KDM3B: variants seen among roughly 807,000 people sequenced by gnomAD.
KDM3B encodes lysine demethylase 3B, also known as lysine-specific demethylase 3B.
A neutral mutation model predicts 170.0 loss-of-function variants in KDM3B; 10 were observed. The observed-to-expected ratio is 0.06, with a 90% CI of 0.04 to 0.10. KDM3B has a LOEUF of 0.10. KDM3B is among the 10% of genes least tolerant of loss of function. The pLI is 1.00. For synonymous variants in KDM3B, 831 were observed against 834.8 expected (o/e 1.00, Z 0.08); for missense variants, 1,394 against 2,195.2 (o/e 0.64, Z 7.29).
chr5:138,408,085 C>G (rs1762868848), intron 11 of KDM3B, among the ~76,000 whole-genome samples: 1 of 152,142 alleles, frequency 6.6e-6, no homozygotes, highest in African/African-American at 2.4e-5. Context: ...TTCGCTTTGT[C>G]AACCATATGT....
chr5:138,369,070 A>G (rs1187164821), intron 1 of KDM3B, among the ~76,000 whole-genome samples: 2 of 152,158 alleles, frequency 1.3e-5, no homozygotes, highest in Non-Finnish European at 2.9e-5. Flanking sequence ...GGCAGTTTAG[A>G]ACTATACATC....
chr5:138,427,929 T>C (rs1763436693), intron 19 of KDM3B, 38 bp from the exon 20 acceptor site: 2 of 1,599,074 alleles, frequency 1.3e-6, no homozygotes, highest in East Asian at 2.2e-5. Context: ...CTTCCAAATA[T>C]TGGCCCTTCA....
rs1233840880 is a variant in KDM3B, at chr5:138,429,961, G to A, written c.4889G>A (p.Arg1630Gln). ...KDAEKIRELL[R>Q]KVGEEQGQEN... The stretch of plus-strand genomic sequence containing the variant: ...GCAGAGAAGATCCGGGAGCTGCTCC[G>A]AAAGGTACGCCCCTGGGTGGGCTGT... Residue 1630 changes from arginine (R) to glutamine (Q), a missense_variant, in exon 21 of 24, where the codon CGA (arginine) becomes CAA (glutamine). Transcript: ENST00000314358. The A allele has an allele frequency of 2.5e-6, 4 of 1,613,984 alleles. No individual in the cohort carries two copies. The highest frequency in any genetic ancestry group is 2.2e-5 in the East Asian group (1 of 44,902).
Position 138,381,575 on chromosome 5 carries a change from A to G in KDM3B, c.765A>G (p.Ser255=). The G allele has an allele frequency of 6.2e-7, 1 of 1,601,192 alleles. No individual in the cohort carries two copies. Among genetic ancestry groups the G allele is most frequent in the Non-Finnish European group, 8.6e-7 (1 of 1,168,082 alleles). Residue 255 remains serine, a synonymous_variant, in exon 6 of 24, where the codon TCA becomes TCG. Transcript: ENST00000314358. The part of the protein sequence containing the change: ...RLIHVMLMDN[S]APQSEGGTLK... Reference sequence around the variant, plus strand: ...TCCATGTGATGCTGATGGATAATTCAGCGCCTCAAAGCGAGGTACAGTAAT... The same window carrying G: ...TCCATGTGATGCTGATGGATAATTCGGCGCCTCAAAGCGAGGTACAGTAAT...
intron 2 of KDM3B, among the ~76,000 whole-genome samples, chr5:138,374,466 G>T (rs1761947321): frequency 6.6e-6 from 1 of 151,996 alleles, no homozygotes; most frequent in Non-Finnish European, 1.5e-5. Flanking sequence ...CACTGCATTA[G>T]CCAAGATGGT....
intron 11 of KDM3B, among the ~76,000 whole-genome samples, chr5:138,401,544 G>A (rs1032660453): frequency 1.3e-5 from 2 of 152,196 alleles, no homozygotes; most frequent in South Asian, 2.1e-4. Context: ...GGTTGCCTCC[G>A]CATTTGGCTA....
chr5:138,365,083 CATT>C (rs1416672770), intron 1 of KDM3B, among the ~76,000 whole-genome samples: 2 of 152,068 alleles, frequency 1.3e-5, no homozygotes, highest in African/African-American at 2.4e-5. Context: ...AGTTGTGTAA[CATT>C]ATTTTTAACA....
At chr5:138,382,363 A>C (rs1418441094) in intron 6 of KDM3B, among the ~76,000 whole-genome samples, 3 of 152,078 alleles carry the variant, frequency 2.0e-5, no homozygotes, top group African/African-American at 7.2e-5. Flanking sequence ...GAGGTGGGAG[A>C]ATCGCTAGAA....
At chr5:138,376,571 G>T (rs1762004633) in intron 3 of KDM3B, among the ~76,000 whole-genome samples, 1 of 152,004 alleles carries the variant, frequency 6.6e-6, no homozygotes, top group Non-Finnish European at 1.5e-5. Flanking sequence ...GGGTGTCGTG[G>T]TGGACGCCTG....
chr5:138,397,998 T>C, intron 9 of KDM3B, 180 bp from the exon 10 acceptor site: 1 of 558,180 alleles, frequency 1.8e-6, no homozygotes, highest in South Asian at 2.4e-5. Context: ...CTAGACCTAC[T>C]AAATGTTATG....
Position 138,399,933 on chromosome 5 carries a change from C to T in KDM3B, c.3120C>T (p.Asn1040=). ...MCDVCETTLF[N]IHWVCRKCGF... is the part of the protein sequence containing the mutation. ...ATGTGTGTGAAACAACTCTCTTCAACATCCACTGGGTTTGTCGCAAATGTG... is the reference window on the plus strand; with the variant it reads ...ATGTGTGTGAAACAACTCTCTTCAATATCCACTGGGTTTGTCGCAAATGTG... Residue 1040 remains asparagine, a synonymous_variant, in exon 11 of 24, where the codon AAC becomes AAT. Transcript: ENST00000314358. The T allele has an allele frequency of 1.2e-6, 2 of 1,614,164 alleles. No individual in the cohort carries two copies. The highest frequency in any genetic ancestry group is 2.2e-5 in the East Asian group (1 of 44,878).
chr5:138,410,797 C>G (rs572886215), intron 11 of KDM3B, among the ~76,000 whole-genome samples: 1 of 152,268 alleles, frequency 6.6e-6, no homozygotes, highest in East Asian at 1.9e-4. Flanking sequence ...GCCTGGCAGC[C>G]GAGGCAGAGA....
chr5:138,410,866 T>C (rs562419553), intron 11 of KDM3B, among the ~76,000 whole-genome samples: 1 of 152,296 alleles, frequency 6.6e-6, no homozygotes, highest in South Asian at 2.1e-4. Flanking sequence ...TCAGAGACTT[T>C]TAGTACTTTC....
Position 138,372,868 on chromosome 5 carries a change from A to T in KDM3B, c.360+27A>T, listed in dbSNP as rs752608659. ...TGAGTGGCTTTTACTGGGTGGGAAC[A>T]TGTCTGAGCTTTACTCCTATAATAT... On this transcript the variant is annotated intron_variant, in intron 2 of 23. Coordinates refer to ENST00000314358, the MANE Select transcript of KDM3B (RefSeq NM_016604.4). 1.9e-6 allele frequency: 3 copies of T among 1,596,136 alleles called. No homozygotes were observed. The Admixed American group carries it at 5.2e-5, about 28-fold the overall frequency.
At chr5:138,430,814 C>T (rs953087344) in intron 22 of KDM3B, among the ~76,000 whole-genome samples, 3 of 151,994 alleles carry the variant, frequency 2.0e-5, no homozygotes, top group African/African-American at 7.3e-5. Context: ...CGCTTGAACC[C>T]GGGAGGTGGA....
intron 9 of KDM3B, among the ~76,000 whole-genome samples, chr5:138,395,252 C>T (rs910487167): frequency 6.6e-6 from 1 of 152,122 alleles, no homozygotes; most frequent in Admixed American, 6.6e-5. Context: ...TTAAAGCTGT[C>T]AGTCTAAGTG....
At chr5:138,398,540 C>T (rs539766386) in intron 10 of KDM3B, 148 bp downstream of exon 10, 12 of 660,162 alleles carry the variant, frequency 1.8e-5, no homozygotes, top group African/African-American at 9.1e-5. Context: ...AGCAACCTGT[C>T]GTTGAGACCT....
chr5:138,358,640 G>A (rs1206736001), intron 1 of KDM3B, among the ~76,000 whole-genome samples: 7 of 151,636 alleles, frequency 4.6e-5, no homozygotes, highest in Non-Finnish European at 8.8e-5. Context: ...TGTCATCCAG[G>A]CTGGAGTACA....
At chr5:138,402,550 G>A (rs1001233292) in intron 11 of KDM3B, among the ~76,000 whole-genome samples, 2 of 152,154 alleles carry the variant, frequency 1.3e-5, no homozygotes, top group African/African-American at 4.8e-5. Flanking sequence ...TATGTAACAT[G>A]GTTAGAATAG....
Sources: allele counts gnomAD v4.1 joint callset (sites outside exome capture counted in the v4.1 genomes callset), GRCh38; gene constraint gnomAD v4.1.1; transcripts MANE v1.5; gene names NCBI Gene and HGNC (gene_info 2026-07-23, HGNC 2026-07-21).